The following ROBO2 variants were observed in gnomAD, a reference collection of about 807,000 sequenced individuals.
ROBO2 encodes the protein roundabout homolog 2.
In ROBO2, 53 loss-of-function variants were observed where a neutral mutation model predicts 160.8. That is an observed-to-expected ratio of 0.33 (90% confidence interval 0.26 to 0.41). The LOEUF is 0.41. Among genes scored for constraint, ROBO2 ranks in the 10% least tolerant of loss-of-function variants. The pLI, the probability that ROBO2 is intolerant of heterozygous loss-of-function variation, is 1.00. For missense variants in ROBO2, 1,577 were observed against 1,722.4 expected (o/e 0.92, Z 1.49); for synonymous variants, 664 against 611.7 (o/e 1.09, Z -1.26).
At position 76,002,743 on chromosome 3, in the gene ROBO2, A is replaced by C. The variant is rs138756491; in HGVS notation, c.109+65141A>C. Among the ~76,000 whole-genome samples the C allele has an allele frequency of 1.6e-4, 25 of 152,270 alleles. No homozygotes were observed. In the East Asian group the frequency reaches 4.9e-3, roughly 30 times the overall value. On this transcript the variant is annotated intron_variant, in intron 2 of 26. Coordinates refer to the ROBO2 transcript ENST00000487694. ...AGACTAAAACACCAAGAAACACCCAAAGCTTCAAGACATTAGGAGAGAGAC... is the reference window on the plus strand; with the variant it reads ...AGACTAAAACACCAAGAAACACCCACAGCTTCAAGACATTAGGAGAGAGAC...
chr3:76,384,842 G>A (rs528983563), intron 2 of ROBO2, among the ~76,000 whole-genome samples: 17 of 152,298 alleles, frequency 1.1e-4, no homozygotes, highest in African/African-American at 3.6e-4. Flanking sequence ...CCCACGACAC[G>A]TGAGGATTAG....
At chr3:77,587,238 T>C (rs112309999) in intron 16 of ROBO2, among the ~76,000 whole-genome samples, 46 of 152,180 alleles carry the variant, frequency 3.0e-4, no homozygotes, top group African/African-American at 1.1e-3. Flanking sequence ...AAAGAGAGTT[T>C]CAAGTCAAGG....
In ROBO2 at chr3:76,814,964, T is replaced by C. The variant is rs145029269; in HGVS notation, c.110-283050T>C. Among the ~76,000 whole-genome samples the C allele has an allele frequency of 7.3e-4, 111 of 152,172 alleles. 1 individual carries two copies. In the East Asian group the frequency reaches 0.018, roughly 25 times the overall value. ...TTCCGATAAGAAAACAAGCAATTCA[T>C]GCATCCAAGGAGCTTACAATCAGGC... On this transcript the variant is annotated intron_variant, in intron 2 of 26. Transcript: ENST00000487694.
chr3:76,926,718 C>A (rs1426102871), intron 2 of ROBO2, among the ~76,000 whole-genome samples: 3 of 152,112 alleles, frequency 2.0e-5, no homozygotes, highest in Non-Finnish European at 2.9e-5. Flanking sequence ...TTTTAGAAAG[C>A]TTGATTAGTT....
intron 2 of ROBO2, among the ~76,000 whole-genome samples, chr3:76,766,774 C>T (rs753072750): frequency 4.6e-5 from 7 of 151,378 alleles, no homozygotes; most frequent in East Asian, 2.0e-4. Flanking sequence ...CAATAGCTAA[C>T]GATTTACCAT....
rs71104611 is a variant in ROBO2 at position 76,642,341 on chromosome 3, CTTTTTTTTTTTTTT to C, written c.110-455657_110-455644del. On this transcript the variant is annotated intron_variant, in intron 2 of 26. Transcript: ENST00000487694. ...GCTAATTCAGAAATATTTACACTTG[CTTTTTTTTTTTTTT>C]TTTTTTTTTTTTTTTGAGACGGAGA... is the stretch of plus-strand genomic sequence containing the variant. Among the ~76,000 whole-genome samples the C allele has an allele frequency of 4.3e-4, 27 of 62,216 alleles. 1 individual carries two copies. Among genetic ancestry groups the C allele is most frequent in the East Asian group, 1.8e-3 (4 of 2,222 alleles). The allele number at this position is 62,216 out of a possible 152,430, so 40.8% of individuals were successfully genotyped here.
intron 2 of ROBO2, among the ~76,000 whole-genome samples, chr3:77,175,695 G>C (rs1350053413): frequency 1.3e-5 from 2 of 151,924 alleles, no homozygotes; most frequent in Non-Finnish European, 1.5e-5. Flanking sequence ...TGGCCAAGCT[G>C]GGATAGTCAT....
chr3:77,410,156 C>T (rs2076587125), intron 2 of ROBO2, among the ~76,000 whole-genome samples: 1 of 152,050 alleles, frequency 6.6e-6, no homozygotes, highest in African/African-American at 2.4e-5. Context: ...TTTGAATTAA[C>T]AGTGAATAAA....
intron 2 of ROBO2, among the ~76,000 whole-genome samples, chr3:77,469,172 A>C (rs998393787): frequency 6.6e-6 from 1 of 152,214 alleles, no homozygotes; most frequent in Non-Finnish European, 1.5e-5. Context: ...CTGGTTGAAA[A>C]AGGAAACTTA....
At position 76,423,747 on chromosome 3, in the gene ROBO2, G is replaced by C. The variant is rs941361769; in HGVS notation, c.109+486145G>C. On this transcript the variant is annotated intron_variant, in intron 2 of 26. Coordinates refer to the ROBO2 transcript ENST00000487694. ...AAAGGTAAAAGTCCACCGGATGACA[G>C]GTCAAAGAATTGAGAACTGGAGTTC... is the stretch of plus-strand genomic sequence containing the variant. Among the ~76,000 whole-genome samples the C allele has an allele frequency of 7.9e-5, 12 of 152,184 alleles. 1 individual carries two copies. Among genetic ancestry groups the C allele is most frequent in the Non-Finnish European group, 1.5e-5 (1 of 68,026 alleles).
intron 2 of ROBO2, among the ~76,000 whole-genome samples, chr3:76,360,996 TGTTTA>T (rs2075484900): frequency 6.6e-6 from 1 of 152,096 alleles, no homozygotes; most frequent in Non-Finnish European, 1.5e-5. Flanking sequence ...AAAAAAATCC[TGTTTA>T]GTTAAGTCGT....
At chr3:76,463,902 G>T (rs927464025) in intron 2 of ROBO2, among the ~76,000 whole-genome samples, 1 of 152,154 alleles carries the variant, frequency 6.6e-6, no homozygotes, top group African/African-American at 2.4e-5. Context: ...ACTTAACTCT[G>T]CTAGTTAAGT....
intron 2 of ROBO2, among the ~76,000 whole-genome samples, chr3:76,207,268 T>C (rs1176563108): frequency 6.6e-6 from 1 of 152,134 alleles, no homozygotes; most frequent in Non-Finnish European, 1.5e-5. Context: ...TGTTTTGCAG[T>C]TTAACCGATA....
intron 2 of ROBO2, among the ~76,000 whole-genome samples, chr3:76,333,990 T>C (rs567802438): frequency 2.6e-5 from 4 of 152,172 alleles, no homozygotes; most frequent in Non-Finnish European, 5.9e-5. Flanking sequence ...TGGGGCCTCT[T>C]GTGGGGTGAG....
intron 2 of ROBO2, among the ~76,000 whole-genome samples, chr3:76,483,335 A>G (rs1355557385): frequency 6.9e-6 from 1 of 145,206 alleles, no homozygotes; most frequent in Admixed American, 6.9e-5. Context: ...TTCAACTTTT[A>G]TTTTAAGTTC....
At chr3:77,304,682 T>C (rs1193879132) in intron 2 of ROBO2, among the ~76,000 whole-genome samples, 10 of 152,238 alleles carry the variant, frequency 6.6e-5, no homozygotes, top group African/African-American at 2.4e-4. Flanking sequence ...CTAAATAACC[T>C]GCTTTTATCT....
intron 2 of ROBO2, among the ~76,000 whole-genome samples, chr3:76,883,872 A>G (rs555617469): frequency 6.6e-6 from 1 of 152,292 alleles, no homozygotes; most frequent in East Asian, 1.9e-4. Flanking sequence ...TAATTATTCA[A>G]GTTGAAGCTA....
chr3:77,044,870 G>C lies in ROBO2; in HGVS notation c.61+4024G>C, dbSNP rs550956806. Among the ~76,000 whole-genome samples the C allele has an allele frequency of 3.3e-5, 5 of 152,142 alleles. No homozygotes were observed. The East Asian group carries it at 5.8e-4, about 18-fold the overall frequency. ...TTTACAGATTTATTTCTAAAGAAAAGTATTGCTGTATTTCTTAAAGGTTCT... is the reference window on the plus strand; with the variant it reads ...TTTACAGATTTATTTCTAAAGAAAACTATTGCTGTATTTCTTAAAGGTTCT... On this transcript the variant is annotated intron_variant, in intron 1 of 25. Coordinates refer to ENST00000461745, the Ensembl canonical transcript of ROBO2.
intron 2 of ROBO2, among the ~76,000 whole-genome samples, chr3:76,441,129 C>A (rs954547069): frequency 1.3e-5 from 2 of 152,076 alleles, no homozygotes; most frequent in African/African-American, 4.8e-5. Flanking sequence ...ACCAAGATCC[C>A]CTTGTCCTGC....
Sources: gnomAD v4.1 joint callset for allele counts (sites outside exome capture counted in the v4.1 genomes callset) on GRCh38, gnomAD v4.1.1 for gene constraint, MANE v1.5 for transcripts, NCBI Gene and HGNC (gene_info 2026-07-23, HGNC 2026-07-21) for gene names.